Variants in KALRN observed in about 807,000 individuals in gnomAD.
KALRN encodes kalirin RhoGEF kinase.
A neutral mutation model predicts 353.7 loss-of-function variants in KALRN; 70 were observed. The observed-to-expected ratio is 0.20, with a 90% CI of 0.16 to 0.24. The LOEUF is 0.24. KALRN is among the 10% of genes least tolerant of loss of function. The probability of loss-of-function intolerance (pLI) is 1.00; values close to 1 mark genes in which losing one functional copy is unlikely to be tolerated. For missense variants in KALRN, 2,791 were observed against 3,756.7 expected (o/e 0.74, Z 6.72); for synonymous variants, 1,391 against 1,434.8 (o/e 0.97, Z 0.69).
intron 11 of KALRN, among the ~76,000 whole-genome samples, chr3:124,390,338 C>G (rs1174375325): frequency 6.6e-6 from 1 of 152,216 alleles, no homozygotes; most frequent in Non-Finnish European, 1.5e-5. Flanking sequence ...AGCCTCTGCT[C>G]TTTATTAGAC....
intron 17 of KALRN, among the ~76,000 whole-genome samples, chr3:124,437,398 T>C (rs1157018825): frequency 6.6e-6 from 1 of 152,158 alleles, no homozygotes; most frequent in Admixed American, 6.5e-5. Flanking sequence ...TCCAAAGACA[T>C]CTTTCATCTG....
rs559319152 is a variant in KALRN, at chr3:124,471,184, G to T, written c.4032-3479G>T. Among the ~76,000 whole-genome samples the T allele has an allele frequency of 2.4e-3, 369 of 151,990 alleles. 3 individuals carry two copies. The highest frequency in any genetic ancestry group is 0.014 in the Middle Eastern group (4 of 290). ...AACTACTGTTTATTTAGTGTCTACT[G>T]TGTGCCAGGCACTGGGTTGGGTTCT... is the stretch of plus-strand genomic sequence containing the variant. On this transcript the variant is annotated intron_variant, in intron 25 of 59. Coordinates refer to ENST00000682506, the MANE Select transcript of KALRN (RefSeq NM_001388419.1).
chr3:124,033,435 G>GGCAGCCC lies in KALRN; in HGVS notation c.-302_-296dup, dbSNP rs2039072831. 6.6e-6 allele frequency among the ~76,000 whole-genome samples: 1 copy of GGCAGCCC among 151,666 alleles called. No homozygotes were observed. The highest frequency in any genetic ancestry group is 1.5e-5 in the Non-Finnish European group (1 of 67,814). On this transcript the variant is annotated 5_prime_UTR_variant, in exon 1 of 60. Coordinates refer to ENST00000682506, the MANE Select transcript of KALRN (RefSeq NM_001388419.1). The surrounding 1 kb of genome is among the most constrained non-coding windows in gnomAD (Gnocchi z 6.2). ...GCTGCTGGGGGACAGCGGGCGCCCA[G>GGCAGCCC]GCAGCCCGCACCCCGGCCCCGGGCC...
intron 10 of KALRN, 69 bp downstream of exon 10, chr3:124,347,334 G>GACCAGGGCTGT: frequency 6.6e-7 from 1 of 1,503,764 alleles, no homozygotes; most frequent in Non-Finnish European, 8.9e-7. Context: ...AGATGAGGGA[G>GACCAGGGCTGT]GCATGATGAC....
At chr3:124,181,540 C>T (rs1366753003) in intron 1 of KALRN, among the ~76,000 whole-genome samples, 6 of 152,240 alleles carry the variant, frequency 3.9e-5, no homozygotes, top group South Asian at 2.1e-4. Flanking sequence ...TAATTTACTA[C>T]GAAATGCATG....
intron 5 of KALRN, among the ~76,000 whole-genome samples, chr3:124,273,132 G>A (rs1007468262): frequency 1.3e-5 from 2 of 152,204 alleles, no homozygotes; most frequent in Non-Finnish European, 2.9e-5. Flanking sequence ...AAATGGGTTG[G>A]TGTTCCCCAT....
chr3:124,169,242 A>G (rs778262473), intron 1 of KALRN, among the ~76,000 whole-genome samples: 7 of 152,014 alleles, frequency 4.6e-5, no homozygotes, highest in Non-Finnish European at 8.8e-5. Context: ...TTGGAGGGGA[A>G]TGGTGGAGTG....
In KALRN at chr3:124,403,965, G is replaced by T. The variant is rs190531445; in HGVS notation, c.2346+5094G>T. Among the ~76,000 whole-genome samples, 37 of 152,222 alleles carry T rather than the reference G, an allele frequency of 2.4e-4. 1 individual carries two copies. The East Asian group carries it at 6.0e-3, about 25-fold the overall frequency. ...TTTCCCAATGAGGTTACACCTGAGG[G>T]CAGGCAAAAGTTGGTGGCTAGGATT... is the stretch of plus-strand genomic sequence containing the variant. On this transcript the variant is annotated intron_variant, in intron 13 of 59. Coordinates refer to ENST00000682506, the MANE Select transcript of KALRN (RefSeq NM_001388419.1).
chr3:124,234,652 C>T (rs979377908), intron 2 of KALRN, among the ~76,000 whole-genome samples, 177 bp from the exon 3 acceptor site: 3 of 152,166 alleles, frequency 2.0e-5, no homozygotes, highest in Admixed American at 6.5e-5. Context: ...GACTTGCCCA[C>T]GGTCATATGT....
intron 5 of KALRN, among the ~76,000 whole-genome samples, chr3:124,280,583 C>A (rs4634050): frequency 0.19 from 29,529 of 151,990 alleles, 2,966 homozygotes; most frequent in South Asian, 0.29. Context: ...GAGGAGTCTG[C>A]AGCTTTTGGT....
At chr3:124,208,779 A>G (rs890249785) in intron 1 of KALRN, among the ~76,000 whole-genome samples, 7 of 152,102 alleles carry the variant, frequency 4.6e-5, no homozygotes, top group African/African-American at 1.4e-4. Context: ...AATCTGGGCA[A>G]CATAGGGAGG....
In KALRN at chr3:124,398,732, G is replaced by A. The variant is rs2090484629; in HGVS notation, c.2207G>A (p.Ser736Asn). Residue 736 changes from serine to asparagine, a missense_variant, in exon 13 of 60, where the codon AGC (serine) becomes AAC (asparagine). Physicochemically the swap from Ser to Asn is conservative, Grantham distance 46. This residue lies in a region of KALRN where 452 missense variants were observed against 575.8 expected (regional missense o/e 0.78). Coordinates refer to ENST00000682506, the MANE Select transcript of KALRN (RefSeq NM_001388419.1). ...SAVSNNKTPH[S>N]SSISHIESVL... is the part of the protein sequence containing the mutation. ...GTGTCCAACAACAAAACACCCCACA[G>A]CAGCTCCATCAGCCACATCGAGTCG... 3.1e-6 allele frequency: 5 copies of A among 1,614,036 alleles called. No homozygotes were observed. The highest frequency in any genetic ancestry group is 4.2e-6 in the Non-Finnish European group (5 of 1,180,044).
intron 1 of KALRN, among the ~76,000 whole-genome samples, chr3:124,145,147 G>C (rs1341313131): frequency 6.6e-6 from 1 of 152,042 alleles, no homozygotes; most frequent in East Asian, 1.9e-4. Context: ...TGGAGGTGAG[G>C]GATCTGAGGA....
intron 1 of KALRN, among the ~76,000 whole-genome samples, chr3:124,141,479 C>T (rs558689019): frequency 1.3e-4 from 20 of 152,288 alleles, no homozygotes; most frequent in Admixed American, 3.3e-4. Flanking sequence ...TCATCCTCTC[C>T]TCACCTGTCC....
At chr3:124,231,673 A>G (rs1275032966) in intron 2 of KALRN, among the ~76,000 whole-genome samples, 4 of 151,808 alleles carry the variant, frequency 2.6e-5, no homozygotes, top group Non-Finnish European at 4.4e-5. Context: ...ATACATTAAC[A>G]TTTTAAGGCT....
chr3:124,532,078 T>C (rs1201332165), intron 33 of KALRN, among the ~76,000 whole-genome samples: 2 of 152,218 alleles, frequency 1.3e-5, no homozygotes, highest in Non-Finnish European at 2.9e-5. Flanking sequence ...ATTCATATGC[T>C]AACCAGTGGA....
In KALRN at chr3:124,226,538, T is replaced by A. The variant is rs573754309; in HGVS notation, c.74-1452T>A. Among the ~76,000 whole-genome samples, 3 of 152,108 alleles carry A rather than the reference T, an allele frequency of 2.0e-5. No individual in the cohort carries two copies. In the East Asian group the frequency reaches 5.8e-4, roughly 29 times the overall value. ...TTGGTGAAAAATGAAAGAGAAGAAATAGGCAAAATGGTCAGAGACACTTAG... is the reference window on the plus strand; with the variant it reads ...TTGGTGAAAAATGAAAGAGAAGAAAAAGGCAAAATGGTCAGAGACACTTAG... On this transcript the variant is annotated intron_variant, in intron 1 of 59. Transcript: ENST00000682506.
intron 34 of KALRN, chr3:124,584,781 G>A (rs1191455374): frequency 2.5e-5 from 40 of 1,571,366 alleles, no homozygotes; most frequent in Non-Finnish European, 3.5e-5. Flanking sequence ...CCCCGGGCTG[G>A]CGCCCCGTGC....
chr3:124,282,013 T>A (rs899115196), intron 5 of KALRN, among the ~76,000 whole-genome samples: 4 of 151,714 alleles, frequency 2.6e-5, no homozygotes, highest in African/African-American at 4.8e-5. Flanking sequence ...ATGGAAAGAG[T>A]GATTTGGAGG....
Sources: gnomAD v4.1 joint callset for allele counts (sites outside exome capture counted in the v4.1 genomes callset) on GRCh38, gnomAD v4.1.1 for gene constraint, gnomAD v4.1.1 regional missense constraint, Gnocchi (gnomAD v3.1) non-coding constraint, MANE v1.5 for transcripts, NCBI Gene and HGNC (gene_info 2026-07-23, HGNC 2026-07-21) for gene names.